Variants in ZNF827 observed in about 807,000 individuals in gnomAD.
ZNF827 encodes the protein zinc finger protein 827.
In ZNF827, 13 loss-of-function variants were observed where a neutral mutation model predicts 102.4. The observed-to-expected ratio is 0.13, with a 90% CI of 0.08 to 0.20. The LOEUF (loss-of-function observed/expected upper bound fraction) is 0.20, where lower values mean the gene tolerates loss of function less well. Among genes scored for constraint, ZNF827 ranks in the 10% least tolerant of loss-of-function variants. ZNF827 has a pLI of 1.00. For missense variants in ZNF827, 1,103 were observed against 1,344.4 expected, an observed-to-expected ratio of 0.82 and a Z score of 2.81; for synonymous variants, 523 against 536.2, an observed-to-expected ratio of 0.98 and a Z score of 0.34.
intron 1 of ZNF827, among the ~76,000 whole-genome samples, chr4:145,908,167 T>C (rs1427114808): frequency 6.6e-6 from 1 of 152,142 alleles, no homozygotes; most frequent in Non-Finnish European, 1.5e-5. Flanking sequence ...GTGAAAAAAA[T>C]ATATAACAAA....
chr4:145,795,540 A>G (rs1257249067), intron 8 of ZNF827, among the ~76,000 whole-genome samples: 1 of 152,256 alleles, frequency 6.6e-6, no homozygotes, highest in Non-Finnish European at 1.5e-5. Flanking sequence ...TTATGAATCA[A>G]TGGCATTCTA....
At chr4:145,841,309 G>A (rs1350523043) in intron 7 of ZNF827, among the ~76,000 whole-genome samples, 3 of 152,142 alleles carry the variant, frequency 2.0e-5, no homozygotes, top group Admixed American at 6.5e-5. Context: ...GCTGGGTGAT[G>A]GTCCATGTCA....
intron 7 of ZNF827, among the ~76,000 whole-genome samples, chr4:145,828,632 A>G (rs1173015630): frequency 6.6e-6 from 1 of 152,136 alleles, no homozygotes; most frequent in Non-Finnish European, 1.5e-5. Context: ...AATCTTATAA[A>G]ACTTTTATCT....
chr4:145,936,919 G>C (rs1241659174), intron 1 of ZNF827, among the ~76,000 whole-genome samples: 1 of 151,886 alleles, frequency 6.6e-6, no homozygotes, highest in African/African-American at 2.4e-5. Flanking sequence ...GTAGTGTGGG[G>C]GGAGAGAAGA....
At chr4:145,869,095 CAG>C (rs1273006478) in intron 5 of ZNF827, among the ~76,000 whole-genome samples, 9 of 152,280 alleles carry the variant, frequency 5.9e-5, no homozygotes, top group African/African-American at 2.2e-4. Flanking sequence ...TTTAGGAAGA[CAG>C]AGCTATGATA....
Position 145,915,501 on chromosome 4 carries a change from A to C in ZNF827, c.44-12286T>G, listed in dbSNP as rs139081889. Among the ~76,000 whole-genome samples the C allele has an allele frequency of 3.6e-3, 546 of 152,128 alleles. 3 individuals are homozygous for C. Among genetic ancestry groups the C allele is most frequent in the Middle Eastern group, 6.8e-3 (2 of 294 alleles). On this transcript the variant is annotated intron_variant, in intron 1 of 14. Coordinates refer to ENST00000508784, the MANE Select transcript of ZNF827 (RefSeq NM_001306215.2). ...AACACACTCCCGAGATAAGGATACT[A>C]ATCTATTCATAGGGCAGAGCTCTCC...
Position 145,765,209 on chromosome 4 carries a change from G to GGA in ZNF827, c.3053-46_3053-45dup. ...GGTATAGAGGTGCACAGGGCAGCGG[G>GGA]GAGAGGAGGGCAGGAGTGGAGCCAA... On this transcript the variant is annotated intron_variant, in intron 12 of 14. Coordinates refer to ENST00000508784, the MANE Select transcript of ZNF827 (RefSeq NM_001306215.2). This position sits in a 1 kb window ranked among gnomAD's most constrained non-coding sequence, Gnocchi z 4.7. 4 of 1,538,296 alleles carry GGA rather than the reference G, an allele frequency of 2.6e-6. No homozygotes were observed. Among genetic ancestry groups the GGA allele is most frequent in the Non-Finnish European group, 3.5e-6 (4 of 1,139,608 alleles).
At chr4:145,880,128 G>T (rs1439379523) in intron 4 of ZNF827, among the ~76,000 whole-genome samples, 2 of 152,280 alleles carry the variant, frequency 1.3e-5, no homozygotes, top group East Asian at 3.9e-4. Flanking sequence ...CCAGCTACTT[G>T]GGAGGCTGAG....
Position 145,931,071 on chromosome 4 carries a change from A to G in ZNF827, c.43+7294T>C, listed in dbSNP as rs777074938. Reference sequence around the variant, plus strand: ...GCACCTAGTCACACACTATTCTCCAATATCATAAAAAATAACTTACAGAGA... The same window carrying G: ...GCACCTAGTCACACACTATTCTCCAGTATCATAAAAAATAACTTACAGAGA... On this transcript the variant is annotated intron_variant, in intron 1 of 14. Transcript: ENST00000508784. 4.5e-4 allele frequency among the ~76,000 whole-genome samples: 68 copies of G among 152,296 alleles called. 2 individuals carry two copies. The Middle Eastern group carries it at 0.031, about 69-fold the overall frequency.
chr4:145,867,186 A>T (rs1022039952), intron 5 of ZNF827, among the ~76,000 whole-genome samples: 5 of 152,202 alleles, frequency 3.3e-5, no homozygotes, highest in African/African-American at 1.2e-4. Flanking sequence ...TATGGCAATC[A>T]ATTTACTTGG....
chr4:145,841,897 G>A (rs1745453593), intron 7 of ZNF827, among the ~76,000 whole-genome samples: 1 of 151,584 alleles, frequency 6.6e-6, no homozygotes, highest in Non-Finnish European at 1.5e-5. Flanking sequence ...AATTTAAGCA[G>A]CTGAGTTTAA....
At position 145,849,335 on chromosome 4, in the gene ZNF827, G is replaced by A. The variant is rs1486402513; in HGVS notation, c.2208C>T (p.Leu736=). Residue 736 remains leucine (L), a synonymous_variant, in exon 6 of 15, where the codon CTC becomes CTT. Coordinates refer to ENST00000508784, the MANE Select transcript of ZNF827 (RefSeq NM_001306215.2). ...DISVKMASEL[L]FQLSEKVSKE... Reference sequence around the variant, plus strand: ...GCATAAACATACCTGACAGTTGAAAGAGGAGCTCGGAAGCCATTTTCACAG... The same window carrying A: ...GCATAAACATACCTGACAGTTGAAAAAGGAGCTCGGAAGCCATTTTCACAG... 2 of 1,613,858 alleles carry A rather than the reference G, an allele frequency of 1.2e-6. No homozygotes were observed. Among genetic ancestry groups the A allele is most frequent in the African/African-American group, 1.3e-5 (1 of 74,882 alleles).
At chr4:145,838,102 G>T (rs927599135) in intron 7 of ZNF827, among the ~76,000 whole-genome samples, 15 of 152,190 alleles carry the variant, frequency 9.9e-5, no homozygotes, top group African/African-American at 3.1e-4. Flanking sequence ...CCTGTGACTT[G>T]CACGTATATG....
At position 145,871,729 on chromosome 4, in the gene ZNF827, C is replaced by T. The variant is rs1748702314; in HGVS notation, c.1748-1251G>A. 2.0e-5 allele frequency among the ~76,000 whole-genome samples: 3 copies of T among 152,188 alleles called. No homozygotes were observed. The South Asian group carries it at 6.2e-4, about 32-fold the overall frequency. ...TATCACCCCTTGCCTACCACCTACT[C>T]CAAGCCAATACTCAAGCACAAAGTC... On this transcript the variant is annotated intron_variant, in intron 4 of 14. Transcript: ENST00000508784.
intron 1 of ZNF827, among the ~76,000 whole-genome samples, chr4:145,914,633 A>G (rs956705707): frequency 3.9e-5 from 6 of 152,174 alleles, no homozygotes; most frequent in Non-Finnish European, 1.5e-5. Context: ...GCAAAAAAAC[A>G]ACAACAATTA....
intron 7 of ZNF827, among the ~76,000 whole-genome samples, chr4:145,827,243 A>G (rs147986882): frequency 6.6e-6 from 1 of 152,308 alleles, no homozygotes; most frequent in African/African-American, 2.4e-5. Flanking sequence ...GTTAACACCT[A>G]AGGAATTTAT....
intron 1 of ZNF827, among the ~76,000 whole-genome samples, chr4:145,905,095 T>C (rs1378384573): frequency 2.0e-5 from 3 of 152,276 alleles, no homozygotes; most frequent in Non-Finnish European, 2.9e-5. Flanking sequence ...CTCTAAATTA[T>C]CTGTCTGCTG....
rs1159659952 is a variant in ZNF827 at position 145,765,548 on chromosome 4, T to C, written c.3051A>G (p.Lys1017=). Residue 1017 remains lysine (K), a splice_region_variant and synonymous_variant, in exon 12 of 15, where the codon AAA becomes AAG. Transcript: ENST00000508784. This position sits in a 1 kb window ranked among gnomAD's most constrained non-coding sequence, Gnocchi z 4.7. ...PSLNSEEKPE[K]GFECVFCNFV... is the part of the protein sequence containing the mutation. ...GGCTCACACCCACCTCCTCCTTACC[T>C]TTCTCTGGCTTTTCCTCACTGTTCA... 7.4e-6 allele frequency: 12 copies of C among 1,610,846 alleles called. No individual in the cohort carries two copies. The highest frequency in any genetic ancestry group is 1.0e-5 in the Non-Finnish European group (12 of 1,178,230).
chr4:145,934,299 T>C (rs1024977548), intron 1 of ZNF827, among the ~76,000 whole-genome samples: 3 of 152,192 alleles, frequency 2.0e-5, no homozygotes, highest in Non-Finnish European at 4.4e-5. Flanking sequence ...CCCTACAGTA[T>C]AGGCCATCTT....
Sources: gnomAD v4.1 joint callset for allele counts (sites outside exome capture counted in the v4.1 genomes callset) on GRCh38, gnomAD v4.1.1 for gene constraint, Gnocchi (gnomAD v3.1) non-coding constraint, MANE v1.5 for transcripts, NCBI Gene and HGNC (gene_info 2026-07-23, HGNC 2026-07-21) for gene names.